The following PRLR variants were observed in gnomAD, a reference collection of about 807,000 sequenced individuals.
PRLR encodes hPRL receptor.
In PRLR, 13 loss-of-function variants were observed where a neutral mutation model predicts 40.2. The observed-to-expected ratio is 0.32, with a 90% CI of 0.21 to 0.51. PRLR has a LOEUF of 0.51. Ranked by LOEUF, PRLR falls within the 20% of genes least tolerant of loss-of-function variation. The pLI, the probability that PRLR is intolerant of heterozygous loss-of-function variation, is 0.97. For missense variants in PRLR, 656 were observed against 747.3 expected, an observed-to-expected ratio of 0.88 and a Z score of 1.42; for synonymous variants, 269 against 278.7, an observed-to-expected ratio of 0.97 and a Z score of 0.35.
chr5:35,135,970 C>T (rs1413152641), intron 1 of PRLR, among the ~76,000 whole-genome samples: 1 of 152,084 alleles, frequency 6.6e-6, no homozygotes, highest in Admixed American at 6.5e-5. Flanking sequence ...CTTCGGAATT[C>T]GAACTGGGAA....
intron 7 of PRLR, 89 bp from the exon 8 acceptor site, chr5:35,068,967 G>A (rs1379338765): frequency 1.1e-6 from 1 of 927,780 alleles, no homozygotes; most frequent in Non-Finnish European, 1.7e-6. Flanking sequence ...AAACCCAAGA[G>A]TGTTTTCCTC....
intron 1 of PRLR, among the ~76,000 whole-genome samples, chr5:35,160,895 C>G (rs934393515): frequency 1.3e-5 from 2 of 152,206 alleles, no homozygotes; most frequent in Non-Finnish European, 2.9e-5. Flanking sequence ...AAACCACTAG[C>G]CCACAAGCCT....
chr5:35,200,652 T>C (rs1013095019), intron 1 of PRLR, among the ~76,000 whole-genome samples: 3 of 152,128 alleles, frequency 2.0e-5, no homozygotes, highest in Non-Finnish European at 4.4e-5. Context: ...GGTATTGGTA[T>C]GAGGTGTCAG....
intron 5 of PRLR, among the ~76,000 whole-genome samples, chr5:35,073,391 T>A (rs1217628908): frequency 6.6e-6 from 1 of 152,248 alleles, no homozygotes; most frequent in Non-Finnish European, 1.5e-5. Flanking sequence ...ATTCAACAAA[T>A]GCTTAGCGAA....
intron 1 of PRLR, among the ~76,000 whole-genome samples, chr5:35,208,520 G>A (rs1034253439): frequency 5.9e-5 from 9 of 152,108 alleles, no homozygotes; most frequent in African/African-American, 1.9e-4. Context: ...CTTGTGTCTC[G>A]CTTAGTGCTG....
At position 35,062,869 on chromosome 5, in the gene PRLR, TTTGCCTGC is replaced by T; in HGVS notation, c.*2212_*2219del. On this transcript the variant is annotated 3_prime_UTR_variant, in exon 10 of 10. Coordinates refer to ENST00000618457, the MANE Select transcript of PRLR (RefSeq NM_000949.7). ...CTTAAACTACTGATATGTTTCTTTT[TTTGCCTGC>T]TTACATGCAGTGTTGTTCATTGCAA... 6.6e-6 allele frequency: 1 copy of T among 152,224 alleles called. No individual in the cohort carries two copies. Among genetic ancestry groups the T allele is most frequent in the Non-Finnish European group, 1.5e-5 (1 of 68,036 alleles). 9.4% of individuals were successfully genotyped at this position (152,224 alleles called of 1,614,324 possible).
At chr5:35,159,406 G>GA (rs1774607611) in intron 1 of PRLR, among the ~76,000 whole-genome samples, 1 of 151,580 alleles carries the variant, frequency 6.6e-6, no homozygotes. Flanking sequence ...ATCCAAGTCA[G>GA]AAAAACTACA....
rs558048946 is a variant in PRLR at position 35,065,032 on chromosome 5, T to C, written c.*57A>G. ...ACATTCTTGAGCATTTCACGTACTCTGTAGTGTTACCTGAAGAAAAATCAC... is the reference window on the plus strand; with the variant it reads ...ACATTCTTGAGCATTTCACGTACTCCGTAGTGTTACCTGAAGAAAAATCAC... On this transcript the variant is annotated 3_prime_UTR_variant, in exon 10 of 10. Coordinates refer to ENST00000618457, the MANE Select transcript of PRLR (RefSeq NM_000949.7). The C allele has an allele frequency of 1.5e-4, 238 of 1,541,406 alleles. 2 individuals are homozygous for C. The African/African-American group carries it at 2.9e-3, about 19-fold the overall frequency.
Position 35,065,363 on chromosome 5 carries a change from C to T in PRLR, c.1595G>A (p.Gly532Asp). The change falls in exon 10 of 10, where the codon GGC becomes GAC. Residue 532 changes from glycine (G) to aspartate (D), a missense_variant. Physicochemically the swap from Gly to Asp is moderately conservative, Grantham distance 94. Coordinates refer to ENST00000618457, the MANE Select transcript of PRLR (RefSeq NM_000949.7). ...SLLPKQRENSGKPKKPGTPEN... is the reference protein window; with the variant it reads ...SLLPKQRENSDKPKKPGTPEN... ...AGGAGTCCCGGGCTTCTTGGGCTTG[C>T]CGCTGTTCTCTCTCTGTTTTGGTAG... 6.2e-7 allele frequency: 1 copy of T among 1,614,130 alleles called. No individual in the cohort carries two copies. The highest frequency in any genetic ancestry group is 1.6e-4 in the Middle Eastern group (1 of 6,062).
intron 5 of PRLR, among the ~76,000 whole-genome samples, chr5:35,084,045 A>G (rs1452102379): frequency 1.3e-5 from 2 of 152,168 alleles, no homozygotes; most frequent in Non-Finnish European, 2.9e-5. Flanking sequence ...AATGGGAGCA[A>G]TTGCTGTGGG....
chr5:35,149,861 C>CT (rs1049999522), intron 1 of PRLR, among the ~76,000 whole-genome samples: 355 of 146,008 alleles, frequency 2.4e-3, no homozygotes, highest in Middle Eastern at 3.6e-3. Flanking sequence ...ACTACCTAGT[C>CT]TTTTTTTTTT....
Position 35,118,047 on chromosome 5 carries a change from C to A in PRLR, c.-44+14G>T, listed in dbSNP as rs557914403. 6.3e-5 allele frequency: 62 copies of A among 983,536 alleles called. 1 individual carries two copies. The African/African-American group carries it at 1.0e-3, about 16-fold the overall frequency. 60.9% of individuals were successfully genotyped at this position (983,536 alleles called of 1,614,324 possible). Reference sequence around the variant, plus strand: ...GTGGTGTGACCGAGGGGCATGAGAACAAGTCCCCCTTACCTTCAGGGTTCA... The same window carrying A: ...GTGGTGTGACCGAGGGGCATGAGAAAAAGTCCCCCTTACCTTCAGGGTTCA... On this transcript the variant is annotated intron_variant, in intron 2 of 9. Coordinates refer to ENST00000618457, the MANE Select transcript of PRLR (RefSeq NM_000949.7).
intron 1 of PRLR, among the ~76,000 whole-genome samples, chr5:35,180,056 C>T (rs1233251473): frequency 6.6e-6 from 1 of 152,110 alleles, no homozygotes; most frequent in Non-Finnish European, 1.5e-5. Flanking sequence ...GAGACAATGA[C>T]CGATCACCAC....
intron 2 of PRLR, among the ~76,000 whole-genome samples, chr5:35,097,709 G>C (rs1042345064): frequency 6.6e-6 from 1 of 152,158 alleles, no homozygotes; most frequent in African/African-American, 2.4e-5. Flanking sequence ...CCAAAGGCAG[G>C]TCTGATGCTG....
At position 35,166,154 on chromosome 5, in the gene PRLR, C is replaced by T. The variant is rs199993638; in HGVS notation, c.-105-48032G>A. ...GCTTGGAGACACTTTAAGATTGAGT[C>T]CTCCATAATCATTCTTTTTTGTTTG... On this transcript the variant is annotated intron_variant, in intron 1 of 9. Transcript: ENST00000618457. Among the ~76,000 whole-genome samples, 14 of 152,246 alleles carry T rather than the reference C, an allele frequency of 9.2e-5. No individual in the cohort carries two copies. The East Asian group carries it at 2.5e-3, about 27-fold the overall frequency.
At chr5:35,158,392 G>A (rs998928468) in intron 1 of PRLR, among the ~76,000 whole-genome samples, 5 of 152,280 alleles carry the variant, frequency 3.3e-5, no homozygotes, top group African/African-American at 1.2e-4. Flanking sequence ...GATAACTGAT[G>A]ATTCACAGGG....
Position 35,221,889 on chromosome 5 carries a change from T to G in PRLR, c.-106+8379A>C, listed in dbSNP as rs367690930. Among the ~76,000 whole-genome samples, 84 of 152,348 alleles carry G rather than the reference T, an allele frequency of 5.5e-4. No homozygotes were observed. The East Asian group carries it at 0.014, about 26-fold the overall frequency. On this transcript the variant is annotated intron_variant, in intron 1 of 9. Transcript: ENST00000618457. ...GACCTATCTTTTTGTCTAAAGAGGCTGTATTGCCAAGACTCTGGCTTTTTC... is the reference window on the plus strand; with the variant it reads ...GACCTATCTTTTTGTCTAAAGAGGCGGTATTGCCAAGACTCTGGCTTTTTC...
intron 5 of PRLR, among the ~76,000 whole-genome samples, chr5:35,074,549 T>A (rs930091743): frequency 2.8e-5 from 4 of 142,926 alleles, no homozygotes; most frequent in African/African-American, 1.2e-4. Context: ...CGAGGCAAAC[T>A]CCCAGAAACA....
chr5:35,189,472 T>C (rs1209180021), intron 1 of PRLR, among the ~76,000 whole-genome samples: 2 of 151,856 alleles, frequency 1.3e-5, no homozygotes, highest in African/African-American at 4.8e-5. Context: ...TCCCAGCTAC[T>C]AGGGAGGCTG....
Sources: allele counts gnomAD v4.1 joint callset (sites outside exome capture counted in the v4.1 genomes callset), GRCh38; gene constraint gnomAD v4.1.1; transcripts MANE v1.5; gene names NCBI Gene and HGNC (gene_info 2026-07-23, HGNC 2026-07-21).